Variants in STS observed in about 807,000 individuals in gnomAD.
The protein encoded by STS is steroid sulfatase.
STS carries 7 observed loss-of-function variants against 26.8 expected under a neutral mutation model. The ratio of observed to expected loss-of-function variants is 0.26; its 90% CI spans 0.15 to 0.49. STS has a LOEUF of 0.49. Ranked by LOEUF, STS falls within the 20% of genes least tolerant of loss-of-function variation. The probability of loss-of-function intolerance (pLI) is 0.98; values close to 1 mark genes in which losing one functional copy is unlikely to be tolerated. For synonymous variants in STS, 199 were observed against 189.4 expected, an observed-to-expected ratio of 1.05 and a Z score of -0.42; for missense variants, 434 against 465.6, an observed-to-expected ratio of 0.93 and a Z score of 0.63.
Position 7,325,320 on chromosome X carries a change from C to T in STS, c.1082-19C>T. ...TTGAAATCTCCCTGTTGCCTCTTAC[C>T]TCTTTTTTGATCTTTTAGGAGGAAA... is the stretch of plus-strand genomic sequence containing the variant. On this transcript the variant is annotated intron_variant, in intron 8 of 10. Transcript: ENST00000674429. 1 of 1,210,308 alleles carries T rather than the reference C, an allele frequency of 8.3e-7. No individual in the cohort carries two copies. The highest frequency in any genetic ancestry group is 1.8e-5 in the South Asian group (1 of 56,824).
intron 1 of STS, among the ~76,000 whole-genome samples, chrX:7,175,768 C>T (rs1257310891): frequency 6.3e-5 from 7 of 111,689 alleles, no homozygotes; most frequent in East Asian, 2.8e-4. Flanking sequence ...AGTACTTCCT[C>T]GCTCAATCAG....
rs1463414987 is a variant in STS at position 7,257,478 on chromosome X, G to T, written c.272G>T (p.Trp91Leu). 1 of 1,212,123 alleles carries T rather than the reference G, an allele frequency of 8.2e-7. No individual in the cohort carries two copies. The highest frequency in any genetic ancestry group is 1.1e-6 in the Non-Finnish European group (1 of 895,539). The change falls in exon 5 of 11, where the codon TGG (tryptophan) becomes TTG (leucine). Residue 91 changes from tryptophan (W) to leucine (L), a missense_variant. Physicochemically the swap from Trp to Leu is moderately conservative, Grantham distance 61. Transcript: ENST00000674429. ...TTTCCTGGTCCAGGAATGGCATCTT[G>T]GTCCCGCACTGGAGTTTTCCTCTTC... is the stretch of plus-strand genomic sequence containing the variant. ...RYPVRSGMAS[W>L]SRTGVFLFTA...
chrX:7,206,852 G>T (rs1920953646), intron 2 of STS, among the ~76,000 whole-genome samples: 1 of 112,144 alleles, frequency 8.9e-6, no homozygotes, highest in Non-Finnish European at 1.9e-5. Context: ...GTTTTGGTTT[G>T]GCAGACACAA....
At chrX:7,206,377 T>C (rs1934234329) in intron 2 of STS, among the ~76,000 whole-genome samples, 1 of 112,308 alleles carries the variant, frequency 8.9e-6, no homozygotes, top group Non-Finnish European at 1.9e-5. Context: ...AATTACTTCA[T>C]TTATCATGTT....
At chrX:7,238,138 G>GTC (rs1464968292) in intron 2 of STS, among the ~76,000 whole-genome samples, 1 of 103,767 alleles carries the variant, frequency 9.6e-6, no homozygotes, top group Non-Finnish European at 2.0e-5. Context: ...GTGTGTGTGT[G>GTC]TGTGTGTGTG....
chrX:7,304,956 G>T, intron 7 of STS, 90 bp from the exon 8 acceptor site: 2 of 1,078,609 alleles, frequency 1.9e-6, no homozygotes, highest in Non-Finnish European at 2.6e-6. Flanking sequence ...CTTCCACCTT[G>T]AGAAATTAGC....
chrX:7,350,862 A>G lies in STS; in HGVS notation c.*601A>G, dbSNP rs1179168902. On this transcript the variant is annotated 3_prime_UTR_variant, in exon 11 of 11. Transcript: ENST00000674429. Reference sequence around the variant, plus strand: ...CTGGTATTAGTTAAAACACATATCAAATGCTTGCTCTTCATCATATATATA... The same window carrying G: ...CTGGTATTAGTTAAAACACATATCAGATGCTTGCTCTTCATCATATATATA... 1.8e-5 allele frequency: 2 copies of G among 113,942 alleles called. No individual in the cohort carries two copies. The highest frequency in any genetic ancestry group is 3.7e-5 in the Non-Finnish European group (2 of 54,534). 9.4% of individuals were successfully genotyped at this position (113,942 alleles called of 1,213,427 possible).
chrX:7,326,291 G>A (rs764482431), intron 9 of STS, among the ~76,000 whole-genome samples: 47 of 111,923 alleles, frequency 4.2e-4, no homozygotes, highest in African/African-American at 1.5e-3. Flanking sequence ...TTATCCAGAG[G>A]GAAATAAACT....
chrX:7,252,923 G>A (rs1923208450), intron 2 of STS, among the ~76,000 whole-genome samples: 1 of 111,812 alleles, frequency 8.9e-6, no homozygotes, highest in Non-Finnish European at 1.9e-5. Context: ...GGGTGTGGCA[G>A]GAGGATTGTT....
chrX:7,255,048 C>G (rs1465810589), intron 3 of STS, among the ~76,000 whole-genome samples: 1 of 112,098 alleles, frequency 8.9e-6, no homozygotes, highest in Non-Finnish European at 1.9e-5. Flanking sequence ...CATATCAGAC[C>G]AAACAAAAAT....
intron 10 of STS, among the ~76,000 whole-genome samples, chrX:7,335,236 T>C (rs1291906032): frequency 1.8e-5 from 2 of 112,421 alleles, no homozygotes; most frequent in Non-Finnish European, 3.8e-5. Context: ...AGTGTAAAAG[T>C]GTTCCTATTT....
Position 7,238,371 on chromosome X carries a change from C to T in STS, c.-4-14825C>T, listed in dbSNP as rs191763144. 4.5e-5 allele frequency among the ~76,000 whole-genome samples: 5 copies of T among 110,829 alleles called. No homozygotes were observed. The East Asian group carries it at 1.4e-3, about 32-fold the overall frequency. On this transcript the variant is annotated intron_variant, in intron 2 of 10. Transcript: ENST00000674429. ...ACATGATAGGAGCCTTTTTATTGTACAGCTGTAGAAACAGGGACCTGCAAA... is the reference window on the plus strand; with the variant it reads ...ACATGATAGGAGCCTTTTTATTGTATAGCTGTAGAAACAGGGACCTGCAAA...
chrX:7,173,422 A>G (rs1311443033), intron 1 of STS, among the ~76,000 whole-genome samples: 2 of 111,732 alleles, frequency 1.8e-5, no homozygotes, highest in Non-Finnish European at 3.8e-5. Flanking sequence ...TATCTTTATA[A>G]TAGAGTGATT....
intron 8 of STS, among the ~76,000 whole-genome samples, chrX:7,323,754 A>G (rs1200004462): frequency 2.7e-5 from 3 of 111,833 alleles, no homozygotes; most frequent in Non-Finnish European, 5.6e-5. Context: ...ATGGGTCCTC[A>G]AGGTGTTGGC....
Position 7,259,472 on chromosome X carries a change from A to G in STS, c.506A>G (p.Glu169Gly), listed in dbSNP as rs778962499. Reference sequence around the variant, plus strand: ...AATCTGAGAGACTGCAAGCCCGGAGAGGGCAGTGTCTTCACCACGGGCTTC... The same window carrying G: ...AATCTGAGAGACTGCAAGCCCGGAGGGGGCAGTGTCTTCACCACGGGCTTC... Reference protein sequence around the residue: ...LTNLRDCKPGEGSVFTTGFKR... With the variant: ...LTNLRDCKPGGGSVFTTGFKR... Residue 169 changes from glutamate to glycine, a missense_variant, in exon 6 of 11, where the codon GAG (glutamate) becomes GGG (glycine). Physicochemically the swap from Glu to Gly is moderately conservative, Grantham distance 98. Coordinates refer to ENST00000674429, the MANE Select transcript of STS (RefSeq NM_001320752.2). 10 of 1,209,713 alleles carry G rather than the reference A, an allele frequency of 8.3e-6. No individual in the cohort carries two copies. The African/African-American group carries it at 1.2e-4, about 15-fold the overall frequency.
intron 1 of STS, among the ~76,000 whole-genome samples, chrX:7,154,057 G>A (rs745863686): frequency 3.6e-5 from 4 of 110,793 alleles, no homozygotes; most frequent in Non-Finnish European, 7.5e-5. Context: ...TCCAGGACCT[G>A]TGAGGGGTTT....
At chrX:7,245,310 C>T (rs1442880787) in intron 2 of STS, among the ~76,000 whole-genome samples, 2 of 111,935 alleles carry the variant, frequency 1.8e-5, no homozygotes, top group Admixed American at 1.9e-4. Flanking sequence ...CTCTGTGCCC[C>T]GTAAAACCTT....
chrX:7,253,277 G>T lies in STS; in HGVS notation c.78G>T (p.Leu26=). The stretch of plus-strand genomic sequence containing the variant: ...CAGCATCAAGGCCGAACATCATCCT[G>T]GTGATGGCTGACGACCTCGGCATTG... ...SHAASRPNII[L]VMADDLGIGD... Residue 26 remains leucine (L), a synonymous_variant, in exon 3 of 11, where the codon CTG becomes CTT. Transcript: ENST00000674429. The T allele has an allele frequency of 8.3e-7, 1 of 1,211,643 alleles. No homozygotes were observed. The highest frequency in any genetic ancestry group is 1.1e-6 in the Non-Finnish European group (1 of 895,373).
intron 6 of STS, among the ~76,000 whole-genome samples, chrX:7,262,677 C>G (rs1923806612): frequency 9.0e-6 from 1 of 111,663 alleles, no homozygotes; most frequent in Non-Finnish European, 1.9e-5. Flanking sequence ...TTTAATAAAG[C>G]CCCATGGAAA....
Sources: gnomAD v4.1 joint callset for allele counts (sites outside exome capture counted in the v4.1 genomes callset) on GRCh38, gnomAD v4.1.1 for gene constraint, MANE v1.5 for transcripts, NCBI Gene and HGNC (gene_info 2026-07-23, HGNC 2026-07-21) for gene names.